SYNCRIP: variants seen among roughly 807,000 people sequenced by gnomAD.
The protein encoded by SYNCRIP is heterogeneous nuclear ribonucleoprotein Q.
Under a neutral mutation model 68.9 loss-of-function variants are expected in SYNCRIP, and 9 were observed. The observed-to-expected ratio is 0.13, with a 90% CI of 0.08 to 0.23. SYNCRIP has a LOEUF of 0.23. Ranked by LOEUF, SYNCRIP falls within the 10% of genes least tolerant of loss-of-function variation. The probability of loss-of-function intolerance (pLI) is 1.00; values close to 1 mark genes in which losing one functional copy is unlikely to be tolerated. For synonymous variants in SYNCRIP, 258 were observed against 254.0 expected (o/e 1.02, Z -0.15); for missense variants, 414 against 770.6 (o/e 0.54, Z 5.48).
chr6:85,619,425 G>C lies in SYNCRIP; in HGVS notation c.1009-8C>G, dbSNP rs1263098088. The C allele has an allele frequency of 6.2e-7, 1 of 1,608,350 alleles. No individual in the cohort carries two copies. The highest frequency in any genetic ancestry group is 8.5e-7 in the Non-Finnish European group (1 of 1,178,702). On this transcript the variant is annotated splice_region_variant and splice_polypyrimidine_tract_variant and intron_variant, in intron 8 of 10. Coordinates refer to ENST00000369622, the MANE Select transcript of SYNCRIP (RefSeq NM_006372.5). ...TACAAACAGCACTTTTACCTAGGGGGAAGAAAATACCCCCCTGTATTATTT... is the reference window on the plus strand; with the variant it reads ...TACAAACAGCACTTTTACCTAGGGGCAAGAAAATACCCCCCTGTATTATTT...
At chr6:85,617,653 G>A (rs1805938780) in intron 10 of SYNCRIP, among the ~76,000 whole-genome samples, 1 of 152,194 alleles carries the variant, frequency 6.6e-6, no homozygotes, top group Non-Finnish European at 1.5e-5. Context: ...TGAAGAAATT[G>A]AGGTTCAGAG....
At chr6:85,641,493 A>G (rs967724679) in intron 1 of SYNCRIP, 42 bp from the exon 2 acceptor site, 3 of 1,580,278 alleles carry the variant, frequency 1.9e-6, no homozygotes, top group African/African-American at 2.7e-5. Flanking sequence ...GGATCTTCAA[A>G]AAGAATACAA....
In SYNCRIP at chr6:85,614,946, A is replaced by C; in HGVS notation, c.1682T>G (p.Val561Gly). ...CCCATCAGCTTTGCGCTTTCCTCCT[A>C]CATTTCCACCGCGGCCACCCCTCGC... ...RGARGGRGGN[V>G]GGKRKADGYN... The change falls in exon 11 of 11, where the codon GTA (valine) becomes GGA (glycine). Residue 561 changes from valine (V) to glycine (G), a missense_variant. Physicochemically the swap from Val to Gly is moderately radical, Grantham distance 109. This residue lies in a region of SYNCRIP where 130 missense variants were observed against 149.0 expected (regional missense o/e 0.87). Transcript: ENST00000369622. The C allele has an allele frequency of 6.2e-7, 1 of 1,613,860 alleles. No individual in the cohort carries two copies. The highest frequency in any genetic ancestry group is 8.5e-7 in the Non-Finnish European group (1 of 1,179,922).
At chr6:85,624,873 A>T (rs2128287892) in intron 6 of SYNCRIP, among the ~76,000 whole-genome samples, 1 of 152,330 alleles carries the variant, frequency 6.6e-6, no homozygotes, top group Admixed American at 6.5e-5. Context: ...AGTTAAAACC[A>T]CACCTCAAAA....
intron 8 of SYNCRIP, among the ~76,000 whole-genome samples, chr6:85,621,159 T>C (rs1384809050): frequency 1.3e-5 from 2 of 152,224 alleles, no homozygotes; most frequent in Admixed American, 1.3e-4. Context: ...TGAGAATTTA[T>C]AGGCCAGAGG....
chr6:85,613,273 TGA>T (rs1385585271), downstream of SYNCRIP, among the ~76,000 whole-genome samples: 1 of 152,154 alleles, frequency 6.6e-6, no homozygotes, highest in Non-Finnish European at 1.5e-5. Context: ...TTCCCATTTT[TGA>T]GACATGAAGT....
intron 7 of SYNCRIP, among the ~76,000 whole-genome samples, chr6:85,623,571 A>AAAAAAAAAAAAAAC (rs1562087648): frequency 1.4e-5 from 2 of 147,870 alleles, no homozygotes; most frequent in African/African-American, 5.2e-5. Flanking sequence ...CCAAAAAAAA[A>AAAAAAAAAAAAAAC]AAAAAAAAAA....
intron 6 of SYNCRIP, among the ~76,000 whole-genome samples, chr6:85,633,595 A>C (rs972453503): frequency 6.6e-6 from 1 of 152,232 alleles, no homozygotes; most frequent in Admixed American, 6.5e-5. Flanking sequence ...CGTTTCAAAA[A>C]AACTTACTAA....
chr6:85,628,380 T>G (rs1274914908), intron 6 of SYNCRIP, among the ~76,000 whole-genome samples: 1 of 152,206 alleles, frequency 6.6e-6, no homozygotes, highest in East Asian at 1.9e-4. Flanking sequence ...TTATAAAGTC[T>G]TCTTTACAAT....
chr6:85,612,672 T>C (rs541524937), downstream of SYNCRIP: 11 of 413,180 alleles, frequency 2.7e-5, no homozygotes, highest in Non-Finnish European at 1.3e-5. Flanking sequence ...TTTAGTTTAA[T>C]AACTTGCACT....
Position 85,615,061 on chromosome 6 carries a change from A to G in SYNCRIP, c.1567T>C (p.Tyr523His), listed in dbSNP as rs1310713348. ...GATCCAGGACCTCCTCTCTGTGAATAACCGGCTCTACCGCGGGGAGGAGCA... is the reference window on the plus strand; with the variant it reads ...GATCCAGGACCTCCTCTCTGTGAATGACCGGCTCTACCGCGGGGAGGAGCA... ...GAAPPRGRAG[Y>H]SQRGGPGSAR... Residue 523 changes from tyrosine to histidine, a missense_variant, in exon 11 of 11, where the codon TAT becomes CAT. Physicochemically the swap from Tyr to His is moderately conservative, Grantham distance 83. This residue lies in a region of SYNCRIP where 130 missense variants were observed against 149.0 expected (regional missense o/e 0.87). Transcript: ENST00000369622. 6.2e-7 allele frequency: 1 copy of G among 1,613,968 alleles called. No homozygotes were observed. The highest frequency in any genetic ancestry group is 1.3e-5 in the African/African-American group (1 of 74,882).
chr6:85,620,326 A>G (rs1268528081), intron 8 of SYNCRIP, among the ~76,000 whole-genome samples: 1 of 152,242 alleles, frequency 6.6e-6, no homozygotes, highest in Non-Finnish European at 1.5e-5. Context: ...TGTGGCACAT[A>G]CAGAAGGAAT....
chr6:85,634,855 G>C lies in SYNCRIP; in HGVS notation c.666+2112C>G, dbSNP rs554509637. 8.3e-4 allele frequency among the ~76,000 whole-genome samples: 126 copies of C among 152,226 alleles called. 1 individual carries two copies. The highest frequency in any genetic ancestry group is 1.5e-3 in the Non-Finnish European group (103 of 68,000). On this transcript the variant is annotated intron_variant, in intron 6 of 10. Transcript: ENST00000369622. The stretch of plus-strand genomic sequence containing the variant: ...TGCACTTTGGGAAGCCGAGGTAGGA[G>C]GACTGCTTGAGACCATGAGTTCAAG...
At chr6:85,615,421 AAC>A in intron 10 of SYNCRIP, 74 bp from the exon 11 acceptor site, 1 of 980,420 alleles carries the variant, frequency 1.0e-6, no homozygotes, top group Non-Finnish European at 1.5e-6. Context: ...AGCCATTTGT[AAC>A]AGTTTAAATC....
chr6:85,616,776 G>A (rs1247062997), intron 10 of SYNCRIP, among the ~76,000 whole-genome samples: 1 of 152,170 alleles, frequency 6.6e-6, no homozygotes, highest in East Asian at 1.9e-4. Flanking sequence ...ATGATGGAAA[G>A]ATCATCCTTT....
chr6:85,619,518 A>T, intron 8 of SYNCRIP, 101 bp from the exon 9 acceptor site: 2 of 1,074,174 alleles, frequency 1.9e-6, no homozygotes. Flanking sequence ...ACAATCCATT[A>T]GAAGAATGTC....
In SYNCRIP at chr6:85,614,444, AAAC is replaced by A; in HGVS notation, c.*309_*311del. ...AACTACCTTTGAAGACACCAAATCT[AAAC>A]ACTACTGGAAACATCGTTGACACTA... On this transcript the variant is annotated 3_prime_UTR_variant, in exon 11 of 11. Transcript: ENST00000369622. 9.5e-7 allele frequency: 1 copy of A among 1,053,354 alleles called. No homozygotes were observed. 65.3% of individuals were successfully genotyped at this position (1,053,354 alleles called of 1,614,324 possible).
chr6:85,638,991 C>A (rs1247454613), intron 4 of SYNCRIP, among the ~76,000 whole-genome samples: 2 of 152,130 alleles, frequency 1.3e-5, no homozygotes, highest in Non-Finnish European at 2.9e-5. Flanking sequence ...GGGTGGGTCA[C>A]GAGGTCAAGA....
At chr6:85,625,885 C>T (rs567340483) in intron 6 of SYNCRIP, among the ~76,000 whole-genome samples, 1 of 152,234 alleles carries the variant, frequency 6.6e-6, no homozygotes, top group Admixed American at 6.5e-5. Flanking sequence ...TTTTGCCCCC[C>T]AGAAGTCATT....
Sources: gnomAD v4.1 joint callset for allele counts (sites outside exome capture counted in the v4.1 genomes callset) on GRCh38, gnomAD v4.1.1 for gene constraint, gnomAD v4.1.1 regional missense constraint, MANE v1.5 for transcripts, NCBI Gene and HGNC (gene_info 2026-07-23, HGNC 2026-07-21) for gene names.